Variants in TRHDE observed in about 807,000 individuals in gnomAD.
TRHDE encodes thyrotropin-releasing hormone-degrading ectoenzyme.
TRHDE carries 72 observed loss-of-function variants against 125.7 expected under a neutral mutation model. The observed-to-expected ratio is 0.57, with a 90% CI of 0.47 to 0.70. The LOEUF (loss-of-function observed/expected upper bound fraction) is 0.70, where lower values mean the gene tolerates loss of function less well. TRHDE is among the 30% of genes least tolerant of loss of function. The pLI, the probability that TRHDE is intolerant of heterozygous loss-of-function variation, is 0.00. For missense variants in TRHDE, 1,110 were observed against 1,327.1 expected, an observed-to-expected ratio of 0.84 and a Z score of 2.54; for synonymous variants, 509 against 509.1, an observed-to-expected ratio of 1.00 and a Z score of 0.00.
At position 72,136,833 on chromosome 12, in the gene TRHDE, G is replaced by A. The variant is rs186602670; in HGVS notation, n.279+31081G>A. ...ATGGCATATGACCATGGCAAAACTCGCACCTACTGCAGCGTGTTCTCAGGC... is the reference window on the plus strand; with the variant it reads ...ATGGCATATGACCATGGCAAAACTCACACCTACTGCAGCGTGTTCTCAGGC... On this transcript the variant is annotated intron_variant and non_coding_transcript_variant, in intron 2 of 4. Coordinates refer to the TRHDE transcript ENST00000548156. Among the ~76,000 whole-genome samples, 12 of 152,220 alleles carry A rather than the reference G, an allele frequency of 7.9e-5. No homozygotes were observed. The East Asian group carries it at 2.1e-3, about 27-fold the overall frequency.
intron 3 of TRHDE, among the ~76,000 whole-genome samples, chr12:72,391,217 G>T (rs972312972): frequency 1.3e-5 from 2 of 152,110 alleles, no homozygotes; most frequent in Non-Finnish European, 2.9e-5. Context: ...CCACCTTTTA[G>T]TCTTAAAGTC....
At chr12:72,623,182 C>T (rs1189562532) in intron 15 of TRHDE, among the ~76,000 whole-genome samples, 1 of 151,894 alleles carries the variant, frequency 6.6e-6, no homozygotes, top group East Asian at 1.9e-4. Context: ...TATTAAAATC[C>T]ATATCATATA....
chr12:72,515,606 T>C (rs1482166328), intron 6 of TRHDE, among the ~76,000 whole-genome samples: 1 of 152,194 alleles, frequency 6.6e-6, no homozygotes, highest in Non-Finnish European at 1.5e-5. Flanking sequence ...TTCACTCTGA[T>C]TGGTAGTTTC....
chr12:72,323,072 CTTAA>C (rs1480677688), intron 2 of TRHDE, among the ~76,000 whole-genome samples: 1 of 152,052 alleles, frequency 6.6e-6, no homozygotes, highest in African/African-American at 2.4e-5. Flanking sequence ...AAATGAAAGT[CTTAA>C]TTTAGTGCTC....
chr12:72,627,375 T>C (rs1873304239), intron 15 of TRHDE, among the ~76,000 whole-genome samples: 1 of 151,916 alleles, frequency 6.6e-6, no homozygotes, highest in Non-Finnish European at 1.5e-5. Context: ...AGGAATTTTA[T>C]ATATCAGTAG....
chr12:72,419,096 G>T (rs1365054242), intron 3 of TRHDE, among the ~76,000 whole-genome samples: 5 of 152,120 alleles, frequency 3.3e-5, no homozygotes, highest in Admixed American at 1.3e-4. Flanking sequence ...AAGCAGCTTT[G>T]CCATCCAAGA....
rs866110297 is a variant in TRHDE, at chr12:72,410,255, A to G, written c.1315+32134A>G. On this transcript the variant is annotated intron_variant, in intron 3 of 18. Transcript: ENST00000261180. Reference sequence around the variant, plus strand: ...ATTTTATCCATTAAGTAAACAAAATATGTTAAAATATTCCTACAAAGAACT... The same window carrying G: ...ATTTTATCCATTAAGTAAACAAAATGTGTTAAAATATTCCTACAAAGAACT... Among the ~76,000 whole-genome samples, 15 of 152,154 alleles carry G rather than the reference A, an allele frequency of 9.9e-5. 1 individual carries two copies. The Middle Eastern group carries it at 0.011, about 108-fold the overall frequency.
intron 3 of TRHDE, among the ~76,000 whole-genome samples, chr12:72,417,893 A>AT (rs1873796975): frequency 6.6e-6 from 1 of 151,954 alleles, no homozygotes; most frequent in South Asian, 2.1e-4. Context: ...CAGAACACAT[A>AT]TTTTTTATTA....
chr12:72,406,907 T>C (rs890733358), intron 3 of TRHDE, among the ~76,000 whole-genome samples: 1 of 152,216 alleles, frequency 6.6e-6, no homozygotes, highest in Non-Finnish European at 1.5e-5. Flanking sequence ...TATCAAAGTG[T>C]ACAGAATGTT....
chr12:72,514,413 G>T (rs1024668111), intron 6 of TRHDE, among the ~76,000 whole-genome samples: 33 of 143,456 alleles, frequency 2.3e-4, no homozygotes, highest in African/African-American at 6.2e-4. Flanking sequence ...AGAACAGTGA[G>T]AATTCTTAGA....
chr12:72,522,160 G>C (rs1346752075), intron 6 of TRHDE, among the ~76,000 whole-genome samples: 2 of 152,120 alleles, frequency 1.3e-5, no homozygotes, highest in African/African-American at 2.4e-5. Flanking sequence ...GTAAATGGTG[G>C]AGTCAGGATT....
At chr12:72,170,270 A>C (rs1025597832) in intron 2 of TRHDE, among the ~76,000 whole-genome samples, 3 of 152,214 alleles carry the variant, frequency 2.0e-5, no homozygotes, top group African/African-American at 7.2e-5. Context: ...TGACAGGAGT[A>C]GTAGAGAATA....
chr12:72,446,009 T>C (rs576307277), intron 3 of TRHDE, among the ~76,000 whole-genome samples: 1 of 151,970 alleles, frequency 6.6e-6, no homozygotes, highest in South Asian at 2.1e-4. Flanking sequence ...CATTTGTATT[T>C]CTCCTTGTCC....
intron 2 of TRHDE, among the ~76,000 whole-genome samples, chr12:72,293,071 T>C (rs1880149825): frequency 6.6e-6 from 1 of 152,170 alleles, no homozygotes; most frequent in Non-Finnish European, 1.5e-5. Flanking sequence ...ATGATTTTAT[T>C]TGATGTTGTG....
chr12:72,246,585 C>T (rs1878580200), intron 2 of TRHDE, among the ~76,000 whole-genome samples: 1 of 152,194 alleles, frequency 6.6e-6, no homozygotes, highest in African/African-American at 2.4e-5. Flanking sequence ...TCACCGCAAG[C>T]AGCTGACTCG....
intron 12 of TRHDE, among the ~76,000 whole-genome samples, chr12:72,618,480 T>G (rs1029828900): frequency 2.0e-5 from 3 of 152,098 alleles, no homozygotes; most frequent in African/African-American, 7.2e-5. Context: ...ACAATGTGTA[T>G]TAAATATCAT....
At chr12:72,315,322 A>G (rs1415354621) in intron 2 of TRHDE, among the ~76,000 whole-genome samples, 1 of 152,198 alleles carries the variant, frequency 6.6e-6, no homozygotes, top group African/African-American at 2.4e-5. Flanking sequence ...TAAGAAAAAA[A>G]CCAAACCGAT....
At position 72,664,873 on chromosome 12, in the gene TRHDE, A is replaced by C. The variant is rs962444860; in HGVS notation, c.*1678A>C. 6.6e-6 allele frequency: 1 copy of C among 152,076 alleles called. No individual in the cohort carries two copies. Among genetic ancestry groups the C allele is most frequent in the Non-Finnish European group, 1.5e-5 (1 of 67,978 alleles). The allele number at this position is 152,076 out of a possible 1,614,324, so 9.4% of individuals were successfully genotyped here. On this transcript the variant is annotated 3_prime_UTR_variant, in exon 19 of 19. Transcript: ENST00000261180. ...TAGAATAAAGTACCACCTAAAACTG[A>C]ATTTTATCATATAAGCAAGTAATAC...
intron 3 of TRHDE, among the ~76,000 whole-genome samples, chr12:72,440,569 A>T (rs1874958683): frequency 6.6e-6 from 1 of 151,978 alleles, no homozygotes; most frequent in Admixed American, 6.6e-5. Flanking sequence ...ATGCTAGCAC[A>T]TATATTGACT....
Sources: gnomAD v4.1 joint callset for allele counts (sites outside exome capture counted in the v4.1 genomes callset) on GRCh38, gnomAD v4.1.1 for gene constraint, MANE v1.5 for transcripts, NCBI Gene and HGNC (gene_info 2026-07-23, HGNC 2026-07-21) for gene names.